Variants in ARPP21 observed in about 807,000 individuals in gnomAD.
ARPP21 encodes the protein cAMP-regulated phosphoprotein 21.
In ARPP21, 69 loss-of-function variants were observed where a neutral mutation model predicts 113.2. That is an observed-to-expected ratio of 0.61 (90% CI 0.50 to 0.74). ARPP21 has a LOEUF of 0.74. ARPP21 is among the 30% of genes least tolerant of loss of function. The pLI, the probability that ARPP21 is intolerant of heterozygous loss-of-function variation, is 0.00. For synonymous variants in ARPP21, 368 were observed against 375.5 expected (o/e 0.98, Z 0.23); for missense variants, 1,070 against 1,037.4 (o/e 1.03, Z -0.43).
At chr3:35,645,449 T>TGGTATATTATG (rs1411000264) in intron 1 of ARPP21, among the ~76,000 whole-genome samples, 2 of 151,956 alleles carry the variant, frequency 1.3e-5, no homozygotes, top group African/African-American at 4.8e-5. Flanking sequence ...TAGAGTTTTC[T>TGGTATATTATG]GGTATATTAT....
chr3:35,758,397 C>A (rs2151233991), intron 19 of ARPP21, among the ~76,000 whole-genome samples: 1 of 152,140 alleles, frequency 6.6e-6, no homozygotes, highest in East Asian at 1.9e-4. Flanking sequence ...CAAACAAGGA[C>A]AATGCCATAG....
At chr3:35,729,602 A>G (rs2093798742) in intron 15 of ARPP21, 66 bp downstream of exon 15, 1 of 1,380,134 alleles carries the variant, frequency 7.2e-7, no homozygotes, top group Non-Finnish European at 1.0e-6. Flanking sequence ...GTTTGATCTT[A>G]TGAATTTGCT....
intron 1 of ARPP21, among the ~76,000 whole-genome samples, chr3:35,663,976 C>A (rs1709000913): frequency 6.6e-6 from 1 of 152,156 alleles, no homozygotes. Flanking sequence ...GAAATTGTTG[C>A]AAATGAAAGT....
intron 1 of ARPP21, among the ~76,000 whole-genome samples, chr3:35,666,581 A>C (rs1282168475): frequency 6.6e-6 from 1 of 152,104 alleles, no homozygotes; most frequent in Admixed American, 6.6e-5. Context: ...TTTGTCTTTG[A>C]CATTAATTTC....
At chr3:35,680,853 C>T (rs781396680) in intron 2 of ARPP21, 2 of 151,564 alleles carry the variant, frequency 1.3e-5, no homozygotes, top group East Asian at 2.0e-4. Flanking sequence ...GAAGTAAATG[C>T]TAAATTATTC....
chr3:35,733,882 T>A (rs892785535), intron 15 of ARPP21, among the ~76,000 whole-genome samples: 1 of 152,206 alleles, frequency 6.6e-6, no homozygotes, highest in Non-Finnish European at 1.5e-5. Flanking sequence ...CATCTCCTTC[T>A]TCTAGCCCAC....
chr3:35,672,837 C>T (rs2076669795), intron 1 of ARPP21, among the ~76,000 whole-genome samples: 1 of 152,060 alleles, frequency 6.6e-6, no homozygotes, highest in South Asian at 2.1e-4. Flanking sequence ...AGACAGCTTG[C>T]TGTCTTCCCT....
chr3:35,670,267 C>T (rs1256870546), intron 1 of ARPP21, among the ~76,000 whole-genome samples: 4 of 151,948 alleles, frequency 2.6e-5, no homozygotes, highest in Non-Finnish European at 5.9e-5. Flanking sequence ...CAGGGAACAC[C>T]CAATTAGGAG....
chr3:35,695,714 G>T (rs1242659786), intron 9 of ARPP21, among the ~76,000 whole-genome samples: 1 of 151,358 alleles, frequency 6.6e-6, no homozygotes, highest in African/African-American at 2.4e-5. Flanking sequence ...GTAAGGAGGG[G>T]GATACATGGC....
intron 19 of ARPP21, among the ~76,000 whole-genome samples, chr3:35,785,543 C>A (rs965807072): frequency 6.6e-6 from 1 of 151,456 alleles, no homozygotes; most frequent in African/African-American, 2.4e-5. Context: ...GAAAGAAAAC[C>A]AGCTTTGTAT....
chr3:35,773,450 A>C (rs2151563274), intron 19 of ARPP21, among the ~76,000 whole-genome samples: 1 of 152,258 alleles, frequency 6.6e-6, no homozygotes, highest in South Asian at 2.1e-4. Context: ...TCATGACTTG[A>C]CAATTTATGC....
chr3:35,646,082 A>T (rs142450037), intron 1 of ARPP21, among the ~76,000 whole-genome samples: 142 of 152,182 alleles, frequency 9.3e-4, no homozygotes, highest in African/African-American at 3.3e-3. Flanking sequence ...TTGCTTTCAG[A>T]TTATCTCACT....
chr3:35,741,591 T>A (rs1488847576), intron 18 of ARPP21, among the ~76,000 whole-genome samples: 1 of 152,226 alleles, frequency 6.6e-6, no homozygotes, highest in East Asian at 1.9e-4. Flanking sequence ...GAAAAGCACA[T>A]GGACGAGACA....
At chr3:35,694,950 A>G (rs943123198) in intron 9 of ARPP21, among the ~76,000 whole-genome samples, 10 of 147,598 alleles carry the variant, frequency 6.8e-5, no homozygotes, top group African/African-American at 2.4e-4. Context: ...ATATATTTAT[A>G]TAAATGTATA....
chr3:35,691,417 T>C (rs907056486), intron 9 of ARPP21, among the ~76,000 whole-genome samples: 1 of 151,628 alleles, frequency 6.6e-6, no homozygotes, highest in African/African-American at 2.4e-5. Context: ...ACATCTATCT[T>C]ATTGTAGTTT....
chr3:35,651,939 C>T (rs1407862049), intron 1 of ARPP21: 1 of 152,106 alleles, frequency 6.6e-6, no homozygotes, highest in Non-Finnish European at 1.5e-5. Flanking sequence ...AATGCTTCCA[C>T]ATCAATGGTT....
chr3:35,778,436 C>G (rs1180532726), intron 19 of ARPP21, among the ~76,000 whole-genome samples: 5 of 151,820 alleles, frequency 3.3e-5, no homozygotes, highest in Non-Finnish European at 7.4e-5. Flanking sequence ...CCTCACCGTT[C>G]CCTTTTCACC....
chr3:35,702,232 TG>T (rs1455683946), intron 9 of ARPP21, among the ~76,000 whole-genome samples: 2 of 151,784 alleles, frequency 1.3e-5, no homozygotes, highest in African/African-American at 4.8e-5. Flanking sequence ...TGCTTTTCTA[TG>T]TTACTCAATA....
intron 14 of ARPP21, among the ~76,000 whole-genome samples, chr3:35,723,143 T>C (rs986371879): frequency 6.6e-6 from 1 of 152,048 alleles, no homozygotes; most frequent in African/African-American, 2.4e-5. Context: ...AGGAGTGGGA[T>C]GAAGAATGGA....
Sources: gnomAD v4.1 joint callset for allele counts (sites outside exome capture counted in the v4.1 genomes callset) on GRCh38, gnomAD v4.1.1 for gene constraint, MANE v1.5 for transcripts, NCBI Gene and HGNC (gene_info 2026-07-23, HGNC 2026-07-21) for gene names.